Variants in METTL15 observed in about 807,000 individuals in gnomAD.
METTL15 encodes the protein methyltransferase 15, mitochondrial 12S rRNA N4-cytidine.
METTL15 carries 34 observed loss-of-function variants against 38.3 expected under a neutral mutation model. The ratio of observed to expected loss-of-function variants is 0.89; its 90% confidence interval spans 0.68 to 1.18. The LOEUF is 1.18. Among genes scored for constraint, METTL15 ranks in the 50% most tolerant of loss-of-function variants. METTL15 has a pLI of 0.00. For synonymous variants in METTL15, 162 were observed against 170.9 expected (o/e 0.95, Z 0.41); for missense variants, 438 against 498.4 (o/e 0.88, Z 1.15).
At chr11:28,183,682 G>A (rs548079355) in intron 3 of METTL15, among the ~76,000 whole-genome samples, 1 of 152,064 alleles carries the variant, frequency 6.6e-6, no homozygotes, top group Middle Eastern at 3.4e-3. Flanking sequence ...GAGGATTTTC[G>A]CATTGAAGTT....
chr11:28,296,272 G>A (rs1029937656), intron 5 of METTL15, among the ~76,000 whole-genome samples: 1 of 152,082 alleles, frequency 6.6e-6, no homozygotes, highest in Admixed American at 6.6e-5. Flanking sequence ...GATTTGCTAA[G>A]TTCAATTTGT....
At chr11:28,414,470 G>T (rs1207615803) in intron 5 of METTL15, among the ~76,000 whole-genome samples, 4 of 152,072 alleles carry the variant, frequency 2.6e-5, no homozygotes, top group Non-Finnish European at 5.9e-5. Context: ...GATAGATAGA[G>T]ACCTAATCTG....
chr11:28,359,156 C>A (rs1214495992), intron 4 of METTL15, among the ~76,000 whole-genome samples: 2 of 152,146 alleles, frequency 1.3e-5, no homozygotes, highest in Non-Finnish European at 2.9e-5. Flanking sequence ...CAATGTTTAC[C>A]CCTCACTTAG....
chr11:28,448,648 T>A (rs555825850), intron 6 of METTL15, among the ~76,000 whole-genome samples: 1 of 152,158 alleles, frequency 6.6e-6, no homozygotes, highest in Non-Finnish European at 1.5e-5. Context: ...TCTCTCTAAA[T>A]CTACCTAAGT....
chr11:28,342,631 G>C (rs565175654), intron 3 of METTL15, among the ~76,000 whole-genome samples: 5 of 152,242 alleles, frequency 3.3e-5, no homozygotes, highest in African/African-American at 1.2e-4. Context: ...AATGGAATCA[G>C]TTTGGGTTGG....
At chr11:28,228,569 G>A (rs1338525786) in intron 4 of METTL15, among the ~76,000 whole-genome samples, 1 of 151,740 alleles carries the variant, frequency 6.6e-6, no homozygotes, top group Non-Finnish European at 1.5e-5. Flanking sequence ...TGTTTCTAAT[G>A]AAAGAATTTT....
intron 3 of METTL15, among the ~76,000 whole-genome samples, chr11:28,168,053 A>G (rs1407988573): frequency 1.3e-5 from 2 of 152,130 alleles, no homozygotes; most frequent in African/African-American, 4.8e-5. Flanking sequence ...ATTTTTATAT[A>G]CATTTAGGGA....
intron 6 of METTL15, among the ~76,000 whole-genome samples, chr11:28,424,600 T>C (rs1482052729): frequency 6.6e-6 from 1 of 152,178 alleles, no homozygotes; most frequent in Non-Finnish European, 1.5e-5. Flanking sequence ...TTTTATATTC[T>C]ATGAGTAACT....
chr11:28,167,801 G>A (rs563995586), intron 3 of METTL15, among the ~76,000 whole-genome samples: 1 of 151,208 alleles, frequency 6.6e-6, no homozygotes, highest in South Asian at 2.1e-4. Flanking sequence ...TTTCTCAGAT[G>A]TTATTTCAAC....
chr11:28,290,367 G>T lies in METTL15; in HGVS notation c.569G>T (p.Gly190Val). 1 of 1,612,964 alleles carries T rather than the reference G, an allele frequency of 6.2e-7. No homozygotes were observed. The highest frequency in any genetic ancestry group is 8.5e-7 in the Non-Finnish European group (1 of 1,179,270). ...PERGFSLRKD[G>V]PLDMRMDGGR... ...AGAGGTTTTTCCCTTCGGAAAGATG[G>T]CCCTTTGGACATGAGAATGGATGGT... Residue 190 changes from glycine (G) to valine (V), a missense_variant, in exon 5 of 7, where the codon GGC becomes GTC. Transcript: ENST00000407364.
chr11:28,376,513 G>A (rs1327760825), intron 5 of METTL15, among the ~76,000 whole-genome samples: 9 of 151,912 alleles, frequency 5.9e-5, no homozygotes, highest in Admixed American at 2.0e-4. Context: ...TTTTCCATTT[G>A]CTTGGTAGAT....
chr11:28,292,811 G>A (rs1856572263), intron 5 of METTL15, among the ~76,000 whole-genome samples: 1 of 152,210 alleles, frequency 6.6e-6, no homozygotes. Context: ...GATGGCTAGT[G>A]ATGATGAGCA....
At position 28,214,468 on chromosome 11, in the gene METTL15, G is replaced by A. The variant is rs902514888; in HGVS notation, c.407+3270G>A. Among the ~76,000 whole-genome samples, 9 of 152,082 alleles carry A rather than the reference G, an allele frequency of 5.9e-5. No individual in the cohort carries two copies. The South Asian group carries it at 6.2e-4, about 11-fold the overall frequency. ...TTATTTAATTAAAACAGTAATACCC[G>A]TGGCCTAATGAAGTTTATTTCATGA... On this transcript the variant is annotated intron_variant, in intron 4 of 6. Coordinates refer to ENST00000407364, the MANE Select transcript of METTL15 (RefSeq NM_001113528.2).
intron 4 of METTL15, among the ~76,000 whole-genome samples, chr11:28,237,264 C>T (rs1854036466): frequency 6.6e-6 from 1 of 152,292 alleles, no homozygotes; most frequent in African/African-American, 2.4e-5. Flanking sequence ...TTGGTCTTTT[C>T]ACATAGTCCC....
At chr11:28,449,749 T>A (rs1186256022) in intron 6 of METTL15, among the ~76,000 whole-genome samples, 2 of 152,126 alleles carry the variant, frequency 1.3e-5, no homozygotes, top group African/African-American at 2.4e-5. Context: ...CTGGGAGCCA[T>A]GAGCTGCTGT....
intron 6 of METTL15, among the ~76,000 whole-genome samples, chr11:28,477,211 G>A (rs993330673): frequency 3.3e-5 from 5 of 151,932 alleles, no homozygotes; most frequent in African/African-American, 4.8e-5. Flanking sequence ...TTGAGATGGC[G>A]TCTCACCCAG....
chr11:28,141,228 A>G (rs1231115704), intron 3 of METTL15, among the ~76,000 whole-genome samples: 2 of 152,128 alleles, frequency 1.3e-5, no homozygotes, highest in South Asian at 2.1e-4. Context: ...TATTGTCCAA[A>G]CTGTCTTCAT....
At chr11:28,180,909 A>G (rs1851259327) in intron 3 of METTL15, among the ~76,000 whole-genome samples, 1 of 151,774 alleles carries the variant, frequency 6.6e-6, no homozygotes. Flanking sequence ...TGGTAAAGAG[A>G]GTAAAAACAT....
Position 28,149,146 on chromosome 11 carries a change from G to A in METTL15, c.270+35542G>A, listed in dbSNP as rs547137427. ...TTGAATTATTTCAAGTAGGAGCTTG[G>A]TACTTTATCATCACATCTTCTGGAC... is the stretch of plus-strand genomic sequence containing the variant. On this transcript the variant is annotated intron_variant, in intron 3 of 6. Transcript: ENST00000407364. Among the ~76,000 whole-genome samples, 3 of 150,330 alleles carry A rather than the reference G, an allele frequency of 2.0e-5. No homozygotes were observed. In the South Asian group the frequency reaches 6.3e-4, roughly 31 times the overall value.
Sources: gnomAD v4.1 joint callset for allele counts (sites outside exome capture counted in the v4.1 genomes callset) on GRCh38, gnomAD v4.1.1 for gene constraint, MANE v1.5 for transcripts, NCBI Gene and HGNC (gene_info 2026-07-23, HGNC 2026-07-21) for gene names.